Variants in HELZ observed in about 807,000 individuals in gnomAD.
HELZ encodes the protein helicase with zinc finger.
Under a neutral mutation model 218.2 loss-of-function variants are expected in HELZ, and 23 were observed. The observed-to-expected ratio is 0.11, with a 90% CI of 0.08 to 0.15. The LOEUF is 0.15. Among genes scored for constraint, HELZ ranks in the 10% least tolerant of loss-of-function variants. The probability of loss-of-function intolerance (pLI) is 1.00; values close to 1 mark genes in which losing one functional copy is unlikely to be tolerated. For synonymous variants in HELZ, 814 were observed against 829.4 expected (o/e 0.98, Z 0.32); for missense variants, 1,813 against 2,353.7 (o/e 0.77, Z 4.75).
chr17:67,120,721 A>G, intron 26 of HELZ, 109 bp from the exon 27 acceptor site: 1 of 681,108 alleles, frequency 1.5e-6, no homozygotes, highest in Non-Finnish European at 2.6e-6. Context: ...ACAAACACAC[A>G]CACACACAGA....
At chr17:67,093,309 TA>T (rs1378379269) in intron 31 of HELZ, among the ~76,000 whole-genome samples, 1 of 151,174 alleles carries the variant, frequency 6.6e-6, no homozygotes, top group African/African-American at 2.4e-5. Flanking sequence ...TTCCTGAAAG[TA>T]AGAAAAAGTA....
intron 5 of HELZ, among the ~76,000 whole-genome samples, chr17:67,215,514 A>G (rs1248793889): frequency 6.6e-6 from 1 of 152,056 alleles, no homozygotes; most frequent in African/African-American, 2.4e-5. Context: ...ACGCCCAGCT[A>G]ATTTTTGTAG....
chr17:67,232,255 T>C (rs1470019972), intron 3 of HELZ, among the ~76,000 whole-genome samples: 8 of 152,042 alleles, frequency 5.3e-5, no homozygotes, highest in South Asian at 4.2e-4. Flanking sequence ...GCGATTCTCC[T>C]TCCTCAACCT....
chr17:67,137,815 T>C, intron 22 of HELZ, 116 bp downstream of exon 22: 1 of 735,708 alleles, frequency 1.4e-6, no homozygotes, highest in Non-Finnish European at 2.1e-6. Context: ...TTAAAGAACT[T>C]GATATGAAAT....
intron 12 of HELZ, among the ~76,000 whole-genome samples, chr17:67,185,615 C>T (rs1306051971): frequency 1.3e-5 from 2 of 152,090 alleles, no homozygotes; most frequent in African/African-American, 4.8e-5. Flanking sequence ...TTTCCTTTCC[C>T]CAACTTTCAA....
chr17:67,115,957 C>G (rs1334728454), intron 27 of HELZ, among the ~76,000 whole-genome samples: 1 of 151,836 alleles, frequency 6.6e-6, no homozygotes, highest in Non-Finnish European at 1.5e-5. Context: ...GCTGTTTAAA[C>G]AAAAATAACA....
At chr17:67,227,231 CGCCCAGGTT>C (rs1459568783) in intron 3 of HELZ, among the ~76,000 whole-genome samples, 1 of 150,056 alleles carries the variant, frequency 6.7e-6, no homozygotes, top group Non-Finnish European at 1.5e-5. Context: ...CTCACTCTGT[CGCCCAGGTT>C]GGAGTGCAGT....
intron 6 of HELZ, among the ~76,000 whole-genome samples, chr17:67,202,143 A>G (rs1449708731): frequency 6.6e-6 from 1 of 152,160 alleles, no homozygotes; most frequent in African/African-American, 2.4e-5. Flanking sequence ...ACAGCAGAGC[A>G]AAGTATACAT....
rs115760240 is a variant in HELZ at position 67,146,964 on chromosome 17, G to A, written c.2622-1074C>T. ...GCAGGTGGTGACAATCCACTGAGTT[G>A]TTGAGATATATACCTTTATAGATGC... On this transcript the variant is annotated intron_variant, in intron 20 of 32. Transcript: ENST00000358691. 2.4e-3 allele frequency among the ~76,000 whole-genome samples: 371 copies of A among 152,252 alleles called. 1 individual carries two copies. The highest frequency in any genetic ancestry group is 8.6e-3 in the African/African-American group (357 of 41,556).
intron 3 of HELZ, among the ~76,000 whole-genome samples, chr17:67,229,492 C>G (rs543940148): frequency 6.6e-5 from 10 of 152,316 alleles, no homozygotes; most frequent in African/African-American, 2.2e-4. Flanking sequence ...TTAAATGCAT[C>G]GTGTAAAATG....
chr17:67,218,269 G>A (rs1448989748), intron 4 of HELZ, among the ~76,000 whole-genome samples: 1 of 151,922 alleles, frequency 6.6e-6, no homozygotes. Context: ...TTTATTTTCT[G>A]TTCCCCTACT....
intron 13 of HELZ, among the ~76,000 whole-genome samples, chr17:67,168,139 C>A (rs1471269451): frequency 6.6e-6 from 1 of 151,960 alleles, no homozygotes; most frequent in Non-Finnish European, 1.5e-5. Context: ...CCACCACGCC[C>A]GGCTAATTTT....
chr17:67,200,975 G>T, intron 7 of HELZ, 154 bp downstream of exon 7: 1 of 675,234 alleles, frequency 1.5e-6, no homozygotes, highest in South Asian at 1.6e-5. Flanking sequence ...GTGGGTTATG[G>T]GGGTTACGAG....
intron 5 of HELZ, among the ~76,000 whole-genome samples, chr17:67,210,166 G>C (rs2040414526): frequency 6.6e-6 from 1 of 152,210 alleles, no homozygotes; most frequent in African/African-American, 2.4e-5. Context: ...CAAGGCTGTA[G>C]TGAGCTATAA....
chr17:67,107,707 T>C, intron 30 of HELZ, 22 bp from the exon 31 acceptor site: 2 of 1,589,116 alleles, frequency 1.3e-6, no homozygotes, highest in East Asian at 2.2e-5. Context: ...CAATAAAATA[T>C]GAGGAGAAAA....
At position 67,242,958 on chromosome 17, in the gene HELZ, A is replaced by C. The variant is rs182861650; in HGVS notation, c.-76+826T>G. On this transcript the variant is annotated intron_variant, in intron 2 of 32. Transcript: ENST00000358691. Reference sequence around the variant, plus strand: ...TGTGTGGAGAAACAACAAAAAAAAAACTACAGTAACCAATCGACCACAATT... The same window carrying C: ...TGTGTGGAGAAACAACAAAAAAAAACCTACAGTAACCAATCGACCACAATT... Among the ~76,000 whole-genome samples the C allele has an allele frequency of 1.3e-4, 20 of 152,210 alleles. No individual in the cohort carries two copies. In the East Asian group the frequency reaches 3.7e-3, roughly 28 times the overall value.
intron 9 of HELZ, among the ~76,000 whole-genome samples, chr17:67,192,118 CT>C (rs1416715674): frequency 6.6e-6 from 1 of 151,990 alleles, no homozygotes; most frequent in Non-Finnish European, 1.5e-5. Context: ...AGGAGAATCG[CT>C]TGAACCCGGG....
At chr17:67,113,923 A>G (rs536076888) in intron 28 of HELZ, among the ~76,000 whole-genome samples, 20 of 152,240 alleles carry the variant, frequency 1.3e-4, no homozygotes, top group Non-Finnish European at 2.5e-4. Flanking sequence ...ATGGACAGAT[A>G]AAGAATTAAG....
chr17:67,138,182 C>CT, intron 21 of HELZ, 68 bp from the exon 22 acceptor site: 2 of 1,190,602 alleles, frequency 1.7e-6, no homozygotes, highest in Non-Finnish European at 2.2e-6. Context: ...AATATCGTAA[C>CT]TAAAACTGAT....
Sources: allele counts gnomAD v4.1 joint callset (sites outside exome capture counted in the v4.1 genomes callset), GRCh38; gene constraint gnomAD v4.1.1; transcripts MANE v1.5; gene names NCBI Gene and HGNC (gene_info 2026-07-23, HGNC 2026-07-21).